PTPRK: variants seen among roughly 807,000 people sequenced by gnomAD.
PTPRK encodes receptor-type tyrosine-protein phosphatase kappa.
PTPRK carries 75 observed loss-of-function variants against 178.0 expected under a neutral mutation model. The observed-to-expected ratio is 0.42, with a 90% CI of 0.35 to 0.51. The LOEUF is 0.51. PTPRK is among the 20% of genes least tolerant of loss of function. PTPRK has a pLI of 0.02. For missense variants in PTPRK, 1,441 were observed against 1,797.8 expected (o/e 0.80, Z 3.59); for synonymous variants, 637 against 620.6 (o/e 1.03, Z -0.39).
intron 1 of PTPRK, among the ~76,000 whole-genome samples, chr6:128,434,768 C>T (rs1210855968): frequency 7.9e-5 from 12 of 152,040 alleles, no homozygotes; most frequent in Admixed American, 6.6e-4. Flanking sequence ...GTGGCTTATG[C>T]CAGCACTTTG....
At chr6:128,426,408 C>T (rs1170768214) in intron 1 of PTPRK, among the ~76,000 whole-genome samples, 2 of 152,102 alleles carry the variant, frequency 1.3e-5, no homozygotes, top group African/African-American at 4.8e-5. Flanking sequence ...GCTATTTTTA[C>T]AGTATTTTAT....
chr6:128,456,500 T>C (rs936562897), intron 1 of PTPRK, among the ~76,000 whole-genome samples: 4 of 151,768 alleles, frequency 2.6e-5, no homozygotes, highest in Non-Finnish European at 5.9e-5. Context: ...TACTCTTTAA[T>C]GCAGCACAAA....
At chr6:128,175,415 G>A (rs551381388) in intron 7 of PTPRK, among the ~76,000 whole-genome samples, 17 of 151,738 alleles carry the variant, frequency 1.1e-4, no homozygotes, top group South Asian at 4.2e-4. Flanking sequence ...TCTTCACCGC[G>A]GCTTTTACAA....
chr6:128,183,834 T>A (rs143908249), intron 7 of PTPRK, among the ~76,000 whole-genome samples: 6 of 152,292 alleles, frequency 3.9e-5, no homozygotes, highest in Non-Finnish European at 7.4e-5. Flanking sequence ...ACACTATTAT[T>A]TTCACTACTC....
chr6:128,463,857 T>G (rs1333749576), intron 1 of PTPRK, among the ~76,000 whole-genome samples: 1 of 145,636 alleles, frequency 6.9e-6, no homozygotes, highest in African/African-American at 2.5e-5. Context: ...GTTCAGGCAA[T>G]TCTCCTGCCT....
chr6:128,357,214 T>C (rs1426790339), intron 2 of PTPRK, among the ~76,000 whole-genome samples: 1 of 152,184 alleles, frequency 6.6e-6, no homozygotes, highest in Admixed American at 6.5e-5. Context: ...AATGAAACAA[T>C]GAAATTTAGC....
At chr6:128,033,621 C>G (rs1277248099) in intron 13 of PTPRK, among the ~76,000 whole-genome samples, 1 of 152,070 alleles carries the variant, frequency 6.6e-6, no homozygotes, top group Non-Finnish European at 1.5e-5. Context: ...CCTGTGATCC[C>G]AGCACTTTGA....
chr6:128,416,953 T>G (rs183144745), intron 1 of PTPRK, among the ~76,000 whole-genome samples: 1 of 148,458 alleles, frequency 6.7e-6, no homozygotes, highest in Non-Finnish European at 1.5e-5. Context: ...ATAATAATTA[T>G]ATATAATAAA....
intron 3 of PTPRK, among the ~76,000 whole-genome samples, chr6:128,294,931 T>C (rs1824033185): frequency 1.1e-5 from 1 of 92,170 alleles, no homozygotes; most frequent in African/African-American, 6.2e-5. Flanking sequence ...AACCATAGAC[T>C]TTGAGGAACA....
intron 6 of PTPRK, among the ~76,000 whole-genome samples, chr6:128,198,170 G>A (rs1456777203): frequency 6.6e-6 from 1 of 152,132 alleles, no homozygotes; most frequent in Non-Finnish European, 1.5e-5. Context: ...ATTGTTTTAT[G>A]CCACTAAGTT....
At chr6:128,315,713 C>T (rs1827903861) in intron 3 of PTPRK, among the ~76,000 whole-genome samples, 1 of 152,228 alleles carries the variant, frequency 6.6e-6, no homozygotes, top group African/African-American at 2.4e-5. Flanking sequence ...CTGACATTTG[C>T]TGTATATTTC....
At chr6:128,422,486 T>C (rs1008481847) in intron 1 of PTPRK, among the ~76,000 whole-genome samples, 2 of 152,130 alleles carry the variant, frequency 1.3e-5, no homozygotes, top group Non-Finnish European at 2.9e-5. Context: ...GGCTTCTTGT[T>C]TATTATTCAC....
rs1398144294 is a variant in PTPRK, at chr6:128,456,194, C to G, written c.101-58506G>C. On this transcript the variant is annotated intron_variant, in intron 1 of 29. Coordinates refer to ENST00000368226, the MANE Select transcript of PTPRK (RefSeq NM_002844.4). ...CCCTGACAAACTCTTGTTATGAGAT[C>G]ATAACAAGATTTTTCAACAAACAGA... is the stretch of plus-strand genomic sequence containing the variant. Among the ~76,000 whole-genome samples the G allele has an allele frequency of 2.0e-5, 3 of 151,890 alleles. No individual in the cohort carries two copies. In the South Asian group the frequency reaches 6.2e-4, roughly 32 times the overall value.
intron 7 of PTPRK, among the ~76,000 whole-genome samples, chr6:128,100,811 G>C (rs1379050046): frequency 6.6e-6 from 1 of 151,840 alleles, no homozygotes; most frequent in Non-Finnish European, 1.5e-5. Flanking sequence ...CAGTCTACAG[G>C]GTTAGTCAAA....
At chr6:128,075,956 A>G (rs1783737959) in intron 11 of PTPRK, among the ~76,000 whole-genome samples, 1 of 151,938 alleles carries the variant, frequency 6.6e-6, no homozygotes, top group Non-Finnish European at 1.5e-5. Flanking sequence ...CAGCAAGCTA[A>G]CTCCTGGATG....
At chr6:128,369,363 A>G (rs540240078) in intron 2 of PTPRK, among the ~76,000 whole-genome samples, 2 of 152,284 alleles carry the variant, frequency 1.3e-5, no homozygotes, top group South Asian at 4.1e-4. Context: ...CCTCAGATAT[A>G]AGAACAATAT....
At chr6:128,181,464 C>T (rs941855479) in intron 7 of PTPRK, among the ~76,000 whole-genome samples, 1 of 151,836 alleles carries the variant, frequency 6.6e-6, no homozygotes, top group African/African-American at 2.4e-5. Flanking sequence ...ATGGAATAGT[C>T]CCAGTCCTAA....
intron 22 of PTPRK, 86 bp downstream of exon 22, chr6:127,985,635 A>G: frequency 7.2e-7 from 1 of 1,388,718 alleles, no homozygotes; most frequent in South Asian, 1.5e-5. Context: ...GTAAGCACAC[A>G]TTAGTTTTTG....
intron 1 of PTPRK, among the ~76,000 whole-genome samples, chr6:128,461,911 CATT>C (rs1182744930): frequency 6.6e-6 from 1 of 152,216 alleles, no homozygotes; most frequent in Non-Finnish European, 1.5e-5. Flanking sequence ...ATCAGTGCAT[CATT>C]GATGAATAAT....
Sources: gnomAD v4.1 joint callset for allele counts (sites outside exome capture counted in the v4.1 genomes callset) on GRCh38, gnomAD v4.1.1 for gene constraint, MANE v1.5 for transcripts, NCBI Gene and HGNC (gene_info 2026-07-23, HGNC 2026-07-21) for gene names.